Variants in BRINP3 observed in about 807,000 individuals in gnomAD.
BRINP3 encodes BMP/retinoic acid-inducible neural-specific protein 3.
Under a neutral mutation model 71.0 loss-of-function variants are expected in BRINP3, and 19 were observed. The ratio of observed to expected loss-of-function variants is 0.27; its 90% confidence interval spans 0.19 to 0.39. The LOEUF (loss-of-function observed/expected upper bound fraction) is 0.39. Ranked by LOEUF, BRINP3 falls within the 10% of genes least tolerant of loss-of-function variation. The pLI, the probability that BRINP3 is intolerant of heterozygous loss-of-function variation, is 1.00. For missense variants in BRINP3, 959 were observed against 940.8 expected (o/e 1.02, Z -0.25); for synonymous variants, 380 against 337.7 (o/e 1.13, Z -1.37).
intron 2 of BRINP3, among the ~76,000 whole-genome samples, chr1:190,423,266 TTA>T (rs1399389227): frequency 3.3e-5 from 5 of 151,742 alleles, no homozygotes; most frequent in African/African-American, 9.7e-5. Context: ...ACCTCTTACT[TTA>T]TGACAGCTGA....
intron 1 of BRINP3, among the ~76,000 whole-genome samples, chr1:190,456,697 T>A (rs1372663453): frequency 1.3e-5 from 2 of 152,082 alleles, no homozygotes; most frequent in African/African-American, 2.4e-5. Flanking sequence ...ATATTACTCG[T>A]CTTTGTTAAA....
At chr1:190,222,883 A>G (rs753123994) in intron 6 of BRINP3, among the ~76,000 whole-genome samples, 1 of 151,960 alleles carries the variant, frequency 6.6e-6, no homozygotes, top group Non-Finnish European at 1.5e-5. Flanking sequence ...GTTAGAGACT[A>G]TTGTGAACAA....
chr1:190,367,360 A>C (rs1571874757), intron 2 of BRINP3, among the ~76,000 whole-genome samples: 1 of 152,180 alleles, frequency 6.6e-6, no homozygotes, highest in South Asian at 2.1e-4. Flanking sequence ...GGGATGCAGG[A>C]CACCATGTCC....
At chr1:190,451,403 T>C (rs1053519644) in intron 2 of BRINP3, among the ~76,000 whole-genome samples, 1 of 152,146 alleles carries the variant, frequency 6.6e-6, no homozygotes, top group Non-Finnish European at 1.5e-5. Context: ...CTAGAGAAGA[T>C]TATACATATC....
At chr1:190,400,898 G>A (rs1311623010) in intron 2 of BRINP3, among the ~76,000 whole-genome samples, 1 of 152,132 alleles carries the variant, frequency 6.6e-6, no homozygotes, top group Non-Finnish European at 1.5e-5. Context: ...TGAGATTTAA[G>A]TGTAATACCT....
chr1:190,253,192 G>A (rs528044586), intron 4 of BRINP3, among the ~76,000 whole-genome samples: 5 of 152,144 alleles, frequency 3.3e-5, no homozygotes, highest in Non-Finnish European at 7.3e-5. Context: ...GGACATTTGG[G>A]TTGGTTCCAA....
At chr1:190,344,575 C>T (rs1176069125) in intron 2 of BRINP3, among the ~76,000 whole-genome samples, 1 of 151,832 alleles carries the variant, frequency 6.6e-6, no homozygotes, top group East Asian at 1.9e-4. Flanking sequence ...TCATGACTTT[C>T]TTAGAGAACA....
intron 2 of BRINP3, among the ~76,000 whole-genome samples, chr1:190,327,716 C>T (rs536175871): frequency 2.2e-4 from 34 of 152,184 alleles, no homozygotes; most frequent in African/African-American, 7.7e-4. Flanking sequence ...TTCAATACTC[C>T]ACTGACAGCA....
At chr1:190,301,176 CATAT>C (rs138605864) in intron 2 of BRINP3, among the ~76,000 whole-genome samples, 9 of 102,452 alleles carry the variant, frequency 8.8e-5, no homozygotes, top group African/African-American at 3.7e-4. Context: ...CATATATATA[CATAT>C]ATATATGTAT....
At chr1:190,135,045 G>A (rs1654854270) in intron 7 of BRINP3, among the ~76,000 whole-genome samples, 1 of 152,062 alleles carries the variant, frequency 6.6e-6, no homozygotes, top group African/African-American at 2.4e-5. Context: ...CATCAGAAGT[G>A]TCTGCCAATG....
chr1:190,140,925 T>G (rs1204291683), intron 7 of BRINP3, among the ~76,000 whole-genome samples: 1 of 152,136 alleles, frequency 6.6e-6, no homozygotes, highest in African/African-American at 2.4e-5. Context: ...AAATCTCTAT[T>G]CACAAGAGCG....
At chr1:190,130,884 C>T (rs1046760054) in intron 7 of BRINP3, among the ~76,000 whole-genome samples, 1 of 151,884 alleles carries the variant, frequency 6.6e-6, no homozygotes, top group Non-Finnish European at 1.5e-5. Context: ...GGAAGCCACT[C>T]ATCAAAAATG....
At position 190,351,490 on chromosome 1, in the gene BRINP3, T is replaced by C. The variant is rs543430567; in HGVS notation, c.237-69740A>G. 1.1e-4 allele frequency among the ~76,000 whole-genome samples: 17 copies of C among 152,246 alleles called. No individual in the cohort carries two copies. In the South Asian group the frequency reaches 3.5e-3, roughly 32 times the overall value. On this transcript the variant is annotated intron_variant, in intron 2 of 7. Transcript: ENST00000367462. ...GCAAAATCTGGAAGAGAGGTACCCG[T>C]ATGACATAAATTTGCCATTTGCAAA...
At chr1:190,173,526 C>T (rs770764320) in intron 6 of BRINP3, among the ~76,000 whole-genome samples, 1 of 152,020 alleles carries the variant, frequency 6.6e-6, no homozygotes, top group Non-Finnish European at 1.5e-5. Flanking sequence ...CACTTCATTG[C>T]TGTTATATGC....
At chr1:190,461,744 A>G (rs1676412641) in intron 1 of BRINP3, among the ~76,000 whole-genome samples, 1 of 152,148 alleles carries the variant, frequency 6.6e-6, no homozygotes, top group African/African-American at 2.4e-5. Flanking sequence ...ATGGAAATAG[A>G]ATCTACAGAG....
intron 2 of BRINP3, among the ~76,000 whole-genome samples, chr1:190,357,042 C>T (rs1359205733): frequency 1.3e-5 from 2 of 151,926 alleles, no homozygotes; most frequent in Admixed American, 1.3e-4. Context: ...ATGATTACCA[C>T]TTGGCATACT....
intron 2 of BRINP3, among the ~76,000 whole-genome samples, chr1:190,374,312 G>A (rs1670051924): frequency 6.6e-6 from 1 of 152,024 alleles, no homozygotes; most frequent in Non-Finnish European, 1.5e-5. Context: ...CTGACTATCT[G>A]TCTATCTATC....
chr1:190,152,410 T>C (rs950538924), intron 7 of BRINP3, among the ~76,000 whole-genome samples: 2 of 151,706 alleles, frequency 1.3e-5, no homozygotes, highest in African/African-American at 4.8e-5. Context: ...AAAATTGAAA[T>C]TGATATGGTC....
At chr1:190,315,217 A>G (rs138118146) in intron 2 of BRINP3, among the ~76,000 whole-genome samples, 123 of 152,240 alleles carry the variant, frequency 8.1e-4, no homozygotes, top group Middle Eastern at 6.8e-3. Flanking sequence ...GGAAACAGGG[A>G]GGACTGAATT....
Sources: gnomAD v4.1 joint callset for allele counts (sites outside exome capture counted in the v4.1 genomes callset) on GRCh38, gnomAD v4.1.1 for gene constraint, MANE v1.5 for transcripts, NCBI Gene and HGNC (gene_info 2026-07-23, HGNC 2026-07-21) for gene names.